POGLUT1: variants seen among roughly 807,000 people sequenced by gnomAD.
POGLUT1 encodes the protein 9630046K23Rik.
Under a neutral mutation model 61.3 loss-of-function variants are expected in POGLUT1, and 32 were observed. The observed-to-expected ratio is 0.52, with a 90% CI of 0.39 to 0.70. POGLUT1 has a LOEUF of 0.70. Ranked by LOEUF, POGLUT1 falls within the 30% of genes least tolerant of loss-of-function variation. POGLUT1 has a pLI of 0.00. For missense variants in POGLUT1, 411 were observed against 469.8 expected (o/e 0.87, Z 1.16); for synonymous variants, 158 against 158.2 (o/e 1.00, Z 0.01).
In POGLUT1 at chr3:119,493,885, G is replaced by C. The variant is rs578200078; in HGVS notation, c.*1447G>C. The C allele has an allele frequency of 4.8e-5, 7 of 144,710 alleles. No homozygotes were observed. Among genetic ancestry groups the C allele is most frequent in the African/African-American group, 1.9e-4 (7 of 37,408 alleles). The allele number at this position is 144,710 out of a possible 1,614,324, so 9.0% of individuals were successfully genotyped here. A position where few individuals can be genotyped will look rare whatever the true frequency, so the allele number is the denominator to read the frequency against. The stretch of plus-strand genomic sequence containing the variant: ...TTCTTAGTCTGTGAATCTAGCAATA[G>C]GCAGTCCAGATTTCTGAGTCGTACT... On this transcript the variant is annotated 3_prime_UTR_variant, in exon 11 of 11. Coordinates refer to ENST00000295588, the MANE Select transcript of POGLUT1 (RefSeq NM_152305.3).
chr3:119,485,942 C>T (rs2081659234), intron 6 of POGLUT1, among the ~76,000 whole-genome samples: 2 of 152,112 alleles, frequency 1.3e-5, no homozygotes. Context: ...AAGAACAGTT[C>T]CTAGCATGTC....
Position 119,493,051 on chromosome 3 carries a change from TAGAA to T in POGLUT1, c.*617_*620del, listed in dbSNP as rs1475582532. 2 of 151,206 alleles carry T rather than the reference TAGAA, an allele frequency of 1.3e-5. No homozygotes were observed. The highest frequency in any genetic ancestry group is 2.5e-5 in the African/African-American group (1 of 40,784). 9.4% of individuals were successfully genotyped at this position (151,206 alleles called of 1,614,324 possible). A position where few individuals can be genotyped will look rare whatever the true frequency, so the allele number is the denominator to read the frequency against. On this transcript the variant is annotated 3_prime_UTR_variant, in exon 11 of 11. Coordinates refer to ENST00000295588, the MANE Select transcript of POGLUT1 (RefSeq NM_152305.3). ...CTCAGGAGGTTTCTATAATGCCACA[TAGAA>T]AGAGGCCAATTGCATGAGTAATTAT... is the stretch of plus-strand genomic sequence containing the variant.
chr3:119,481,126 G>C (rs1031633701), intron 5 of POGLUT1, among the ~76,000 whole-genome samples: 2 of 152,070 alleles, frequency 1.3e-5, no homozygotes, highest in African/African-American at 2.4e-5. Context: ...CTCGTCATAG[G>C]GGGGATAGAA....
chr3:119,480,279 G>A (rs975971776), intron 5 of POGLUT1, 107 bp downstream of exon 5: 25 of 873,244 alleles, frequency 2.9e-5, no homozygotes, highest in Admixed American at 2.1e-4. Flanking sequence ...ACGGAGTTTC[G>A]CCCTTTTTGC....
intron 6 of POGLUT1, among the ~76,000 whole-genome samples, chr3:119,485,722 C>CCACG (rs1161069640): frequency 6.6e-6 from 1 of 152,174 alleles, no homozygotes; most frequent in Non-Finnish European, 1.5e-5. Context: ...TATGATCATG[C>CCACG]CACGGTACTC....
At chr3:119,470,300 G>T (rs1251800681) in intron 2 of POGLUT1, among the ~76,000 whole-genome samples, 1 of 152,190 alleles carries the variant, frequency 6.6e-6, no homozygotes, top group Non-Finnish European at 1.5e-5. Context: ...ATCAGGCTGG[G>T]CATGGTGGTT....
At chr3:119,472,145 A>G (rs1380589402) in intron 3 of POGLUT1, among the ~76,000 whole-genome samples, 1 of 151,312 alleles carries the variant, frequency 6.6e-6, no homozygotes, top group East Asian at 1.9e-4. Context: ...CTGAGGGTGG[A>G]GGTTGGGTTT....
chr3:119,474,591 T>C (rs960536587), intron 3 of POGLUT1, among the ~76,000 whole-genome samples: 1 of 151,956 alleles, frequency 6.6e-6, no homozygotes, highest in South Asian at 2.1e-4. Context: ...ATCCCAGCAG[T>C]TTGGGAGGCT....
At chr3:119,471,724 A>G in intron 3 of POGLUT1, 1 of 414,598 alleles carries the variant, frequency 2.4e-6, no homozygotes, top group Non-Finnish European at 4.5e-6. Flanking sequence ...TAGTAGCGGC[A>G]GGACACAGGC....
intron 4 of POGLUT1, chr3:119,478,541 T>C (rs921425805): frequency 5.1e-6 from 2 of 392,578 alleles, no homozygotes; most frequent in Non-Finnish European, 1.0e-5. Context: ...AGTATGACCG[T>C]CGGTATACTA....
rs763858573 is a variant in POGLUT1, at chr3:119,469,802, T to G, written c.86-18T>G. 26 of 1,403,020 alleles carry G rather than the reference T, an allele frequency of 1.9e-5. No individual in the cohort carries two copies. The South Asian group carries it at 2.9e-4, about 16-fold the overall frequency. 86.9% of individuals were successfully genotyped at this position (1,403,020 alleles called of 1,614,324 possible). On this transcript the variant is annotated intron_variant, in intron 1 of 10. Transcript: ENST00000295588. ...TCAGGAAAATTTTTTTAACTCTCATTTACTTCACTTTTTAAAGGTTCAAAA... is the reference window on the plus strand; with the variant it reads ...TCAGGAAAATTTTTTTAACTCTCATGTACTTCACTTTTTAAAGGTTCAAAA...
chr3:119,483,901 A>T (rs892199644), intron 5 of POGLUT1, among the ~76,000 whole-genome samples: 1 of 152,242 alleles, frequency 6.6e-6, no homozygotes, highest in African/African-American at 2.4e-5. Flanking sequence ...TGAATAAATG[A>T]TTGCAAGGAA....
At chr3:119,479,444 T>C (rs149429011) in intron 4 of POGLUT1, among the ~76,000 whole-genome samples, 17 of 152,338 alleles carry the variant, frequency 1.1e-4, no homozygotes, top group African/African-American at 3.4e-4. Context: ...TCATTTAATA[T>C]TCAAAATAAA....
Position 119,479,856 on chromosome 3 carries a change from GTGAGCCCA to G in POGLUT1, c.457-191_457-184del, listed in dbSNP as rs1219151258. On this transcript the variant is annotated intron_variant, in intron 4 of 10. Coordinates refer to ENST00000295588, the MANE Select transcript of POGLUT1 (RefSeq NM_152305.3). ...ATGTGATTCTGAATTCTGGAATTCA[GTGAGCCCA>G]TGACTTTTAATCCATAGTCACTTTT... is the stretch of plus-strand genomic sequence containing the variant. 3.4e-5 allele frequency: 47 copies of G among 1,385,318 alleles called. No individual in the cohort carries two copies. The African/African-American group carries it at 5.6e-4, about 17-fold the overall frequency. 85.8% of individuals were successfully genotyped at this position (1,385,318 alleles called of 1,614,324 possible). A position where few individuals can be genotyped will look rare whatever the true frequency, so the allele number is the denominator to read the frequency against.
At chr3:119,479,892 C>A (rs1422723246) in intron 4 of POGLUT1, 159 bp from the exon 5 acceptor site, 2 of 1,507,628 alleles carry the variant, frequency 1.3e-6, no homozygotes, top group Non-Finnish European at 1.8e-6. Context: ...TCACTTTTGC[C>A]TTTTAATGTC....
intron 3 of POGLUT1, among the ~76,000 whole-genome samples, chr3:119,472,533 A>G (rs1309499544): frequency 1.3e-5 from 2 of 152,144 alleles, no homozygotes; most frequent in African/African-American, 2.4e-5. Context: ...ACTGACCAAC[A>G]TGGAGAAACC....
rs553010150 is a variant in POGLUT1 at position 119,492,876 on chromosome 3, C to A, written c.*438C>A. 6.5e-6 allele frequency: 1 copy of A among 152,846 alleles called. No individual in the cohort carries two copies. Among genetic ancestry groups the A allele is most frequent in the Admixed American group, 6.5e-5 (1 of 15,298 alleles). The allele number at this position is 152,846 out of a possible 1,614,324, so 9.5% of individuals were successfully genotyped here. On this transcript the variant is annotated 3_prime_UTR_variant, in exon 11 of 11. Coordinates refer to ENST00000295588, the MANE Select transcript of POGLUT1 (RefSeq NM_152305.3). ...GCTGGAATTGTGAAATTATTCAAGG[C>A]GTGATCTCTGTCACTTTATTTTAAT...
intron 3 of POGLUT1, among the ~76,000 whole-genome samples, chr3:119,476,231 C>T (rs2081536417): frequency 6.6e-6 from 1 of 152,148 alleles, no homozygotes; most frequent in Admixed American, 6.6e-5. Context: ...AGAGGCTAAA[C>T]ACTTCCACAA....
intron 5 of POGLUT1, among the ~76,000 whole-genome samples, chr3:119,482,891 G>A (rs550404840): frequency 2.6e-4 from 40 of 152,276 alleles, no homozygotes; most frequent in African/African-American, 9.1e-4. Flanking sequence ...GGCTGGGGTA[G>A]CACCAGGCTG....
Sources: gnomAD v4.1 joint callset for allele counts (sites outside exome capture counted in the v4.1 genomes callset) on GRCh38, gnomAD v4.1.1 for gene constraint, MANE v1.5 for transcripts, NCBI Gene and HGNC (gene_info 2026-07-23, HGNC 2026-07-21) for gene names.